The following ASIC2 variants were observed in gnomAD, a reference collection of about 807,000 sequenced individuals.
ASIC2 encodes the protein acid sensing ion channel subunit 2.
Under a neutral mutation model 57.3 loss-of-function variants are expected in ASIC2, and 25 were observed. The observed-to-expected ratio is 0.44, with a 90% CI of 0.32 to 0.61. The LOEUF (loss-of-function observed/expected upper bound fraction) is 0.61, where lower values mean the gene tolerates loss of function less well. Ranked by LOEUF, ASIC2 falls within the 20% of genes least tolerant of loss-of-function variation. ASIC2 has a pLI of 0.06. For missense variants in ASIC2, 641 were observed against 738.1 expected (o/e 0.87, Z 1.52); for synonymous variants, 319 against 307.5 (o/e 1.04, Z -0.39).
intron 1 of ASIC2, among the ~76,000 whole-genome samples, chr17:33,233,316 C>G (rs1325399032): frequency 6.6e-6 from 1 of 151,802 alleles, no homozygotes; most frequent in East Asian, 1.9e-4. Context: ...TCCCAACCCC[C>G]ACACTGCCTG....
intron 1 of ASIC2, among the ~76,000 whole-genome samples, chr17:33,416,784 C>A (rs555768181): frequency 1.3e-5 from 2 of 152,184 alleles, no homozygotes; most frequent in African/African-American, 2.4e-5. Context: ...AGTGGAATAA[C>A]AAGTCCCCCT....
At chr17:33,432,215 GAC>G (rs1911444132) in intron 1 of ASIC2, among the ~76,000 whole-genome samples, 5 of 152,180 alleles carry the variant, frequency 3.3e-5, no homozygotes, top group African/African-American at 1.2e-4. Context: ...AAGACAACAA[GAC>G]TGAAGACTTT....
chr17:33,783,196 C>T (rs559125872), intron 1 of ASIC2, among the ~76,000 whole-genome samples: 2 of 152,330 alleles, frequency 1.3e-5, no homozygotes, highest in South Asian at 2.1e-4. Flanking sequence ...TTCACCTTCA[C>T]CTGAATCTAA....
chr17:33,434,846 A>C (rs1227676935), intron 1 of ASIC2, among the ~76,000 whole-genome samples: 1 of 152,214 alleles, frequency 6.6e-6, no homozygotes, highest in Non-Finnish European at 1.5e-5. Flanking sequence ...GAAAATGTAG[A>C]TATAATACAA....
intron 1 of ASIC2, among the ~76,000 whole-genome samples, chr17:33,824,497 C>A (rs549313947): frequency 1.3e-5 from 2 of 152,140 alleles, no homozygotes; most frequent in African/African-American, 4.8e-5. Flanking sequence ...TAAGTATGAG[C>A]TGATGAGCTA....
At chr17:33,208,720 C>T (rs937338056) in intron 1 of ASIC2, among the ~76,000 whole-genome samples, 3 of 151,922 alleles carry the variant, frequency 2.0e-5, no homozygotes, top group African/African-American at 7.3e-5. Flanking sequence ...ATGTAAAATG[C>T]AGGATCTATG....
In ASIC2 at chr17:33,143,667, A is replaced by G. The variant is rs958199502; in HGVS notation, c.709-31600T>C. On this transcript the variant is annotated intron_variant, in intron 1 of 9. Coordinates refer to ENST00000225823, the MANE Select transcript of ASIC2 (RefSeq NM_183377.2). Reference sequence around the variant, plus strand: ...CTACCGAATCTTTTACCAACTGCCTAGCAACAGAAAAAATAGTTTCCATAG... The same window carrying G: ...CTACCGAATCTTTTACCAACTGCCTGGCAACAGAAAAAATAGTTTCCATAG... Among the ~76,000 whole-genome samples, 7 of 152,294 alleles carry G rather than the reference A, an allele frequency of 4.6e-5. No homozygotes were observed. The South Asian group carries it at 1.2e-3, about 27-fold the overall frequency.
chr17:33,259,140 T>TA (rs1219066705), intron 1 of ASIC2, among the ~76,000 whole-genome samples: 1 of 152,210 alleles, frequency 6.6e-6, no homozygotes, highest in Non-Finnish European at 1.5e-5. Context: ...GGCATTTGTC[T>TA]AAAACTTGTC....
At chr17:33,224,514 G>T (rs990934418) in intron 1 of ASIC2, among the ~76,000 whole-genome samples, 1 of 152,028 alleles carries the variant, frequency 6.6e-6, no homozygotes, top group Non-Finnish European at 1.5e-5. Flanking sequence ...AATATAGAGA[G>T]CAAGAATACG....
At chr17:33,609,224 T>A (rs1905315766) in intron 1 of ASIC2, among the ~76,000 whole-genome samples, 1 of 152,208 alleles carries the variant, frequency 6.6e-6, no homozygotes, top group South Asian at 2.1e-4. Flanking sequence ...CAAATTTATC[T>A]TTGTACAAGG....
intron 1 of ASIC2, among the ~76,000 whole-genome samples, chr17:33,698,661 G>A (rs1039757352): frequency 6.6e-6 from 1 of 152,182 alleles, no homozygotes; most frequent in Non-Finnish European, 1.5e-5. Context: ...GCCACATGGG[G>A]TGTTGATGAG....
At chr17:33,689,676 GA>G (rs1324307219) in intron 1 of ASIC2, among the ~76,000 whole-genome samples, 14 of 151,760 alleles carry the variant, frequency 9.2e-5, no homozygotes, top group African/African-American at 3.4e-4. Flanking sequence ...ACCTTATTTG[GA>G]AAAAAAAGTG....
chr17:34,065,400 G>A (rs747467997), intron 1 of ASIC2, among the ~76,000 whole-genome samples: 33 of 152,096 alleles, frequency 2.2e-4, no homozygotes, highest in Non-Finnish European at 3.8e-4. Flanking sequence ...TACAAATATG[G>A]TGCAGTGTAT....
At chr17:33,035,254 T>A (rs1415757855) in intron 3 of ASIC2, among the ~76,000 whole-genome samples, 2 of 152,220 alleles carry the variant, frequency 1.3e-5, no homozygotes, top group African/African-American at 4.8e-5. Flanking sequence ...ATGATTGTTA[T>A]TGTAAAGTTG....
intron 1 of ASIC2, among the ~76,000 whole-genome samples, chr17:33,339,368 G>A (rs2073261101): frequency 6.6e-6 from 1 of 152,176 alleles, no homozygotes; most frequent in Admixed American, 6.5e-5. Context: ...CAACTCTCCT[G>A]TTGTAGAGCA....
intron 3 of ASIC2, among the ~76,000 whole-genome samples, chr17:33,030,172 A>G (rs1047155642): frequency 2.6e-5 from 4 of 152,180 alleles, no homozygotes; most frequent in African/African-American, 9.6e-5. Context: ...TTTAATGTTC[A>G]ATTTAATAAA....
chr17:33,439,938 A>C (rs1911766736), intron 1 of ASIC2, among the ~76,000 whole-genome samples: 1 of 152,206 alleles, frequency 6.6e-6, no homozygotes, highest in South Asian at 2.1e-4. Flanking sequence ...TGGTAAAGGC[A>C]ATGTGGCTTT....
intron 3 of ASIC2, among the ~76,000 whole-genome samples, chr17:33,040,527 C>T (rs1218883271): frequency 6.6e-6 from 1 of 152,240 alleles, no homozygotes; most frequent in Non-Finnish European, 1.5e-5. Flanking sequence ...ATCTCACTTA[C>T]TGCCATCCAG....
intron 1 of ASIC2, among the ~76,000 whole-genome samples, chr17:33,172,956 C>T (rs1370493605): frequency 6.8e-6 from 1 of 147,806 alleles, no homozygotes; most frequent in African/African-American, 2.4e-5. Context: ...CCTGGCTGCT[C>T]CTGTGCCTGG....
Sources: gnomAD v4.1 joint callset for allele counts (sites outside exome capture counted in the v4.1 genomes callset) on GRCh38, gnomAD v4.1.1 for gene constraint, MANE v1.5 for transcripts, NCBI Gene and HGNC (gene_info 2026-07-23, HGNC 2026-07-21) for gene names.